The following CUEDC1 variants were observed in gnomAD, a reference collection of about 807,000 sequenced individuals.
CUEDC1 encodes CUE domain containing 1, also known as CUE domain-containing protein 1.
A neutral mutation model predicts 43.7 loss-of-function variants in CUEDC1; 30 were observed. The observed-to-expected ratio is 0.69, with a 90% CI of 0.51 to 0.93. The LOEUF (loss-of-function observed/expected upper bound fraction) is 0.93. CUEDC1 is among the 40% of genes least tolerant of loss of function. The probability of loss-of-function intolerance (pLI) is 0.00; values close to 1 mark genes in which losing one functional copy is unlikely to be tolerated. For missense variants in CUEDC1, 486 were observed against 549.0 expected, an observed-to-expected ratio of 0.89 and a Z score of 1.15; for synonymous variants, 223 against 223.6, an observed-to-expected ratio of 1.00 and a Z score of 0.02.
intron 1 of CUEDC1, among the ~76,000 whole-genome samples, chr17:57,890,663 C>T (rs911811788): frequency 4.6e-5 from 7 of 152,334 alleles, no homozygotes; most frequent in Non-Finnish European, 8.8e-5. Flanking sequence ...GGCAAACAGC[C>T]AACCTCCTCT....
At chr17:57,870,538 C>G (rs1385552605) in intron 6 of CUEDC1, among the ~76,000 whole-genome samples, 1 of 152,220 alleles carries the variant, frequency 6.6e-6, no homozygotes, top group Non-Finnish European at 1.5e-5. Context: ...TTGCTAAAAT[C>G]AGTAAGTCCT....
chr17:57,894,894 A>G (rs2074392931), intron 1 of CUEDC1, among the ~76,000 whole-genome samples: 1 of 152,126 alleles, frequency 6.6e-6, no homozygotes, highest in African/African-American at 2.4e-5. Context: ...CTGAGGCCCA[A>G]ATATCAGGTG....
chr17:57,903,767 T>C (rs2145010046), intron 1 of CUEDC1, among the ~76,000 whole-genome samples: 1 of 151,850 alleles, frequency 6.6e-6, no homozygotes, highest in African/African-American at 2.4e-5. Context: ...AGAGACCCTT[T>C]CTCTACACAA....
chr17:57,886,913 G>T (rs1484091512), intron 1 of CUEDC1, among the ~76,000 whole-genome samples: 1 of 150,582 alleles, frequency 6.6e-6, no homozygotes, highest in Non-Finnish European at 1.5e-5. Flanking sequence ...CCGCTTCCCG[G>T]GTTCACACCA....
chr17:57,906,817 T>G (rs1330863640), intron 1 of CUEDC1, among the ~76,000 whole-genome samples: 2 of 151,666 alleles, frequency 1.3e-5, no homozygotes, highest in African/African-American at 4.8e-5. Context: ...ACTAAAAATA[T>G]AAAAATTAGT....
Position 57,955,249 on chromosome 17 carries a change from C to G in CUEDC1, c.-340G>C, listed in dbSNP as rs1177474950. On this transcript the variant is annotated 5_prime_UTR_variant, in exon 1 of 11. Coordinates refer to ENST00000577830, the MANE Select transcript of CUEDC1 (RefSeq NM_001271875.2). This position sits in a 1 kb window ranked among gnomAD's most constrained non-coding sequence, Gnocchi z 5.3. The stretch of plus-strand genomic sequence containing the variant: ...CCGGGCAGCGCCACGCGCGTCCGCT[C>G]CGCGCGGGCCGCAGGGGCCGGGCCG... The G allele has an allele frequency of 6.9e-6, 1 of 145,216 alleles. No homozygotes were observed. Among genetic ancestry groups the G allele is most frequent in the Non-Finnish European group, 1.5e-5 (1 of 65,016 alleles). 9.0% of individuals were successfully genotyped at this position (145,216 alleles called of 1,614,324 possible).
chr17:57,909,575 AG>A (rs2074562916), intron 1 of CUEDC1, among the ~76,000 whole-genome samples: 2 of 152,188 alleles, frequency 1.3e-5, no homozygotes, highest in East Asian at 3.8e-4. Flanking sequence ...GCCTCATCCA[AG>A]ATCAAAGCGT....
chr17:57,882,303 G>T (rs981373552), intron 2 of CUEDC1, among the ~76,000 whole-genome samples: 1 of 151,890 alleles, frequency 6.6e-6, no homozygotes, highest in African/African-American at 2.4e-5. Flanking sequence ...TTCCAAAGGT[G>T]GGGGGTTGGG....
At chr17:57,925,058 C>T (rs2074733793) in intron 1 of CUEDC1, among the ~76,000 whole-genome samples, 1 of 150,506 alleles carries the variant, frequency 6.6e-6, no homozygotes, top group African/African-American at 2.5e-5. Context: ...CACCAAAAAG[C>T]TAGATTCAAA....
chr17:57,885,726 C>T lies in CUEDC1; in HGVS notation c.-162G>A, dbSNP rs1263446628. On this transcript the variant is annotated 5_prime_UTR_variant, in exon 2 of 11. Coordinates refer to ENST00000577830, the MANE Select transcript of CUEDC1 (RefSeq NM_001271875.2). ...GGCAGCAATGGGCTGCCAAGAGCTC[C>T]GGGTTAGGAGAGTACGGGCGCGGGG... 4.4e-5 allele frequency: 52 copies of T among 1,194,666 alleles called. No homozygotes were observed. Among genetic ancestry groups the T allele is most frequent in the Non-Finnish European group, 5.3e-5 (50 of 935,636 alleles). The allele number at this position is 1,194,666 out of a possible 1,614,324, so 74.0% of individuals were successfully genotyped here.
intron 1 of CUEDC1, among the ~76,000 whole-genome samples, chr17:57,905,275 C>CACACAT (rs1466321027): frequency 2.0e-5 from 3 of 150,460 alleles, no homozygotes; most frequent in Non-Finnish European, 3.0e-5. Context: ...CACACACACA[C>CACACAT]ACACACACAC....
At chr17:57,897,901 G>A (rs549486132) in intron 1 of CUEDC1, among the ~76,000 whole-genome samples, 7 of 151,948 alleles carry the variant, frequency 4.6e-5, no homozygotes, top group South Asian at 4.2e-4. Flanking sequence ...TAATCTCAGC[G>A]ACTCAGGAGG....
chr17:57,871,916 C>T (rs890644255), intron 5 of CUEDC1, among the ~76,000 whole-genome samples: 7 of 152,204 alleles, frequency 4.6e-5, no homozygotes, highest in African/African-American at 1.7e-4. Context: ...AAGAGCGAGA[C>T]TATGTCTCAA....
chr17:57,954,979 G>A lies in CUEDC1; in HGVS notation c.-316+246C>T, dbSNP rs1598033629. ...GCACGCCCCCCGCGCCCGGGGCCCG[G>A]GATGAGGTGGGGGCTCGGGAAGGAA... On this transcript the variant is annotated intron_variant, in intron 1 of 10. Coordinates refer to ENST00000577830, the MANE Select transcript of CUEDC1 (RefSeq NM_001271875.2). This position sits in a 1 kb window ranked among gnomAD's most constrained non-coding sequence, Gnocchi z 4.3. Among the ~76,000 whole-genome samples the A allele has an allele frequency of 6.6e-6, 1 of 151,768 alleles. No homozygotes were observed. The highest frequency in any genetic ancestry group is 2.4e-5 in the African/African-American group (1 of 41,512).
rs535298145 is a variant in CUEDC1, at chr17:57,949,982, T to C, written c.-316+5243A>G. On this transcript the variant is annotated intron_variant, in intron 1 of 10. Transcript: ENST00000577830. ...TTATTTAAACTCTTGATGTCTCTTA[T>C]GTCTCTATTTCTTCACCTGAAAAAT... is the stretch of plus-strand genomic sequence containing the variant. Among the ~76,000 whole-genome samples the C allele has an allele frequency of 4.6e-5, 7 of 152,334 alleles. No homozygotes were observed. The East Asian group carries it at 1.3e-3, about 29-fold the overall frequency.
At chr17:57,874,872 G>A (rs1288178336) in intron 3 of CUEDC1, among the ~76,000 whole-genome samples, 2 of 152,114 alleles carry the variant, frequency 1.3e-5, no homozygotes, top group African/African-American at 4.8e-5. Context: ...CGGGGGCGAG[G>A]GGAAGGGGCG....
At chr17:57,924,208 C>T (rs573889311) in intron 1 of CUEDC1, among the ~76,000 whole-genome samples, 2 of 152,286 alleles carry the variant, frequency 1.3e-5, no homozygotes, top group Admixed American at 6.5e-5. Context: ...CAGGTTCAAG[C>T]GATTTTTATG....
chr17:57,891,027 G>A (rs1597987965), intron 1 of CUEDC1, among the ~76,000 whole-genome samples: 1 of 152,308 alleles, frequency 6.6e-6, no homozygotes, highest in Non-Finnish European at 1.5e-5. Flanking sequence ...TTGGGGCACA[G>A]GCCTGGGACC....
intron 1 of CUEDC1, among the ~76,000 whole-genome samples, chr17:57,953,555 C>A (rs1395227763): frequency 6.6e-6 from 1 of 152,338 alleles, no homozygotes; most frequent in East Asian, 1.9e-4. Flanking sequence ...GCAGAGGTCT[C>A]AATGGAGGTC....
Sources: allele counts gnomAD v4.1 joint callset (sites outside exome capture counted in the v4.1 genomes callset), GRCh38; gene constraint gnomAD v4.1.1; non-coding constraint Gnocchi (gnomAD v3.1); transcripts MANE v1.5; gene names NCBI Gene and HGNC (gene_info 2026-07-23, HGNC 2026-07-21).